Variants in FOXN3 observed in about 807,000 individuals in gnomAD.
FOXN3 encodes the protein forkhead box N3.
A neutral mutation model predicts 38.4 loss-of-function variants in FOXN3; 7 were observed. That is an observed-to-expected ratio of 0.18 (90% CI 0.10 to 0.34). The LOEUF (loss-of-function observed/expected upper bound fraction) is 0.34. Ranked by LOEUF, FOXN3 falls within the 10% of genes least tolerant of loss-of-function variation. The pLI is 1.00. For synonymous variants in FOXN3, 230 were observed against 242.2 expected, an observed-to-expected ratio of 0.95 and a Z score of 0.47; for missense variants, 456 against 613.4, an observed-to-expected ratio of 0.74 and a Z score of 2.71.
intron 3 of FOXN3, among the ~76,000 whole-genome samples, chr14:89,297,985 T>TA (rs950876992): frequency 2.0e-5 from 3 of 151,810 alleles, no homozygotes; most frequent in Non-Finnish European, 4.4e-5. Flanking sequence ...AACATGTCTC[T>TA]AAAAAAACAA....
At chr14:89,198,227 C>T (rs1888147646) in intron 4 of FOXN3, among the ~76,000 whole-genome samples, 1 of 152,142 alleles carries the variant, frequency 6.6e-6, no homozygotes, top group Admixed American at 6.5e-5. Context: ...CAAACAATGC[C>T]ATCTAACAAC....
chr14:89,502,997 G>A (rs935342046), intron 1 of FOXN3, among the ~76,000 whole-genome samples: 9 of 152,080 alleles, frequency 5.9e-5, no homozygotes, highest in African/African-American at 2.2e-4. Context: ...TCTCTTACCT[G>A]GTGAGAAACA....
chr14:89,226,137 T>G (rs1596115258), intron 4 of FOXN3, among the ~76,000 whole-genome samples: 2 of 132,624 alleles, frequency 1.5e-5, no homozygotes, highest in African/African-American at 5.7e-5. Context: ...GGGAAGGAAA[T>G]CTAGTTGTTT....
chr14:89,430,172 A>G (rs966475544), intron 1 of FOXN3, among the ~76,000 whole-genome samples: 1 of 152,274 alleles, frequency 6.6e-6, no homozygotes, highest in Non-Finnish European at 1.5e-5. Context: ...TCATATGCAC[A>G]TGTTGGATAA....
chr14:89,319,337 G>C (rs1038755221), intron 3 of FOXN3, among the ~76,000 whole-genome samples: 6 of 152,074 alleles, frequency 3.9e-5, no homozygotes, highest in Non-Finnish European at 7.4e-5. Flanking sequence ...GTGCATGGGG[G>C]TGAAGTCCAG....
rs958042034 is a variant in FOXN3, at chr14:89,158,857, C to G, written c.*3557G>C. The G allele has an allele frequency of 6.6e-6, 1 of 152,440 alleles. No homozygotes were observed. Among genetic ancestry groups the G allele is most frequent in the African/African-American group, 2.4e-5 (1 of 41,352 alleles). 9.4% of individuals were successfully genotyped at this position (152,440 alleles called of 1,614,324 possible). A position where few individuals can be genotyped will look rare whatever the true frequency, so the allele number is the denominator to read the frequency against. ...CATCTTTAAATATTGCTATAGTTCC[C>G]CGTTTCCCCCTCCCCCCTGCCCCGT... On this transcript the variant is annotated 3_prime_UTR_variant, in exon 6 of 6. Transcript: ENST00000557258.
chr14:89,237,136 G>GAA (rs35535647), intron 4 of FOXN3, among the ~76,000 whole-genome samples: 26 of 150,616 alleles, frequency 1.7e-4, no homozygotes, highest in African/African-American at 5.4e-4. Flanking sequence ...TCATTTCAGG[G>GAA]AAAAAAAAAC....
chr14:89,494,945 A>C (rs934009477), intron 1 of FOXN3, among the ~76,000 whole-genome samples: 2 of 152,202 alleles, frequency 1.3e-5, no homozygotes, highest in Non-Finnish European at 2.9e-5. Flanking sequence ...CTTCAAGTTC[A>C]TATCTCTGTC....
intron 2 of FOXN3, among the ~76,000 whole-genome samples, chr14:89,356,073 CA>C (rs1008374813): frequency 1.8e-3 from 263 of 143,108 alleles, no homozygotes; most frequent in African/African-American, 2.0e-3. Flanking sequence ...AAAAAAGGAC[CA>C]AAAAAAAAAA....
In FOXN3 at chr14:89,548,759, G is replaced by C. The variant is rs888768424; in HGVS notation, c.-15+70269C>G. 1.3e-5 allele frequency among the ~76,000 whole-genome samples: 2 copies of C among 151,944 alleles called. No homozygotes were observed. Among genetic ancestry groups the C allele is most frequent in the Non-Finnish European group, 2.9e-5 (2 of 68,000 alleles). On this transcript the variant is annotated intron_variant, in intron 1 of 6. Coordinates refer to the FOXN3 transcript ENST00000345097. The surrounding 1 kb of genome is among the most constrained non-coding windows in gnomAD (Gnocchi z 4.8). ...CTAACACAATTGTTTTCAAATACCT[G>C]CTCACAGCCAATACTGGTCAGTGAC...
intron 1 of FOXN3, among the ~76,000 whole-genome samples, chr14:89,463,082 A>G (rs373817960): frequency 6.7e-6 from 1 of 149,878 alleles, no homozygotes; most frequent in African/African-American, 2.5e-5. Context: ...CGAGGTCAGG[A>G]GATTGAGAAG....
At position 89,536,223 on chromosome 14, in the gene FOXN3, T is replaced by A. The variant is rs1366158247; in HGVS notation, c.-15+82805A>T. Among the ~76,000 whole-genome samples, 9 of 152,318 alleles carry A rather than the reference T, an allele frequency of 5.9e-5. No individual in the cohort carries two copies. The East Asian group carries it at 1.5e-3, about 26-fold the overall frequency. On this transcript the variant is annotated intron_variant, in intron 1 of 6. Transcript: ENST00000345097. ...AAAATCTGGTAGGCCTGGTTTCAAA[T>A]CCTGGCTATGCCACTAGTCCTAGCT...
At chr14:89,425,971 T>G (rs1469963240) in intron 1 of FOXN3, among the ~76,000 whole-genome samples, 1 of 152,126 alleles carries the variant, frequency 6.6e-6, no homozygotes, top group African/African-American at 2.4e-5. Flanking sequence ...CCATAAGGCA[T>G]ACCACAGCCT....
chr14:89,311,828 A>AAAACAAAT, intron 3 of FOXN3, among the ~76,000 whole-genome samples: 1 of 152,252 alleles, frequency 6.6e-6, no homozygotes, highest in Non-Finnish European at 1.5e-5. Flanking sequence ...TCCGTCTCAA[A>AAAACAAAT]AAACAAACAA....
intron 2 of FOXN3, among the ~76,000 whole-genome samples, chr14:89,385,414 T>C (rs536234535): frequency 6.6e-6 from 1 of 151,112 alleles, no homozygotes; most frequent in South Asian, 2.1e-4. Flanking sequence ...AGGAAAAGGC[T>C]TAATTAATTA....
At chr14:89,269,105 G>A (rs531646357) in intron 4 of FOXN3, among the ~76,000 whole-genome samples, 2 of 152,316 alleles carry the variant, frequency 1.3e-5, no homozygotes, top group Admixed American at 6.5e-5. Flanking sequence ...CAACTAGGAC[G>A]TTGGGAGCAT....
chr14:89,339,092 C>G (rs1179132942), intron 3 of FOXN3, among the ~76,000 whole-genome samples: 1 of 152,102 alleles, frequency 6.6e-6, no homozygotes, highest in African/African-American at 2.4e-5. Context: ...CCTCTGCCTC[C>G]TGGGTGAGTT....
intron 4 of FOXN3, among the ~76,000 whole-genome samples, chr14:89,196,886 T>G (rs993357728): frequency 1.3e-5 from 2 of 152,206 alleles, no homozygotes; most frequent in African/African-American, 4.8e-5. Flanking sequence ...AGCCCCTGGT[T>G]CAATCCACAC....
At chr14:89,370,881 T>C (rs10150947) in intron 2 of FOXN3, among the ~76,000 whole-genome samples, 10,449 of 152,216 alleles carry the variant, frequency 0.069, 797 homozygotes, top group African/African-American at 0.19. Context: ...AACTTGTAAG[T>C]ACACAGAAGG....
Sources: allele counts gnomAD v4.1 joint callset (sites outside exome capture counted in the v4.1 genomes callset), GRCh38; gene constraint gnomAD v4.1.1; non-coding constraint Gnocchi (gnomAD v3.1); transcripts MANE v1.5; gene names NCBI Gene and HGNC (gene_info 2026-07-23, HGNC 2026-07-21).